Variants in GCM1 observed in about 807,000 individuals in gnomAD.
GCM1 encodes the protein chorion-specific transcription factor GCMa.
GCM1 carries 2 observed loss-of-function variants against 25.7 expected under a neutral mutation model. The observed-to-expected ratio is 0.08, with a 90% CI of 0.03 to 0.24. The LOEUF (loss-of-function observed/expected upper bound fraction) is 0.24, where lower values mean the gene tolerates loss of function less well. GCM1 is among the 10% of genes least tolerant of loss of function. GCM1 has a pLI of 1.00. For missense variants in GCM1, 395 were observed against 538.7 expected, an observed-to-expected ratio of 0.73 and a Z score of 2.64; for synonymous variants, 183 against 195.7, an observed-to-expected ratio of 0.94 and a Z score of 0.54.
intron 2 of GCM1, among the ~76,000 whole-genome samples, chr6:53,135,872 CAAATTT>C (rs1763791142): frequency 6.6e-6 from 1 of 152,158 alleles, no homozygotes; most frequent in Non-Finnish European, 1.5e-5. Flanking sequence ...AGTTAGAATT[CAAATTT>C]AGAACGTGCC....
chr6:53,141,449 A>T (rs1161525972), intron 2 of GCM1, among the ~76,000 whole-genome samples: 1 of 152,160 alleles, frequency 6.6e-6, no homozygotes, highest in Admixed American at 6.5e-5. Context: ...GCACTTTGGG[A>T]GGCCAAGGTG....
At chr6:53,129,472 C>T (rs1349579524) in intron 5 of GCM1, among the ~76,000 whole-genome samples, 1 of 152,100 alleles carries the variant, frequency 6.6e-6, no homozygotes, top group Non-Finnish European at 1.5e-5. Context: ...TGGGGTTTTG[C>T]CATGTTGGCC....
At chr6:53,132,179 T>A in intron 3 of GCM1, 60 bp from the exon 4 acceptor site, 2 of 1,050,376 alleles carry the variant, frequency 1.9e-6, no homozygotes, top group Non-Finnish European at 3.0e-6. Context: ...TGTTGACTCC[T>A]GTGCAGTCTT....
Position 53,134,149 on chromosome 6 carries a change from C to T in GCM1, c.251G>A (p.Arg84His), listed in dbSNP as rs747467471. The T allele has an allele frequency of 1.1e-5, 18 of 1,614,010 alleles. No homozygotes were observed. Among genetic ancestry groups the T allele is most frequent in the East Asian group, 4.5e-5 (2 of 44,890 alleles). Reference protein sequence around the residue: ...KSCLGVVVCGRDCLAEEGRKI... With the variant: ...KSCLGVVVCGHDCLAEEGRKI... Reference sequence around the variant, plus strand: ...GCGCCCCTCCTCTGCGAGACAGTCGCGGCCGCACACCACCACACCCAGGCA... The same window carrying T: ...GCGCCCCTCCTCTGCGAGACAGTCGTGGCCGCACACCACCACACCCAGGCA... Residue 84 changes from arginine to histidine, a missense_variant, in exon 3 of 6, where the codon CGC becomes CAC. By Grantham distance (29) the Arg-to-His change is conservative. Coordinates refer to ENST00000259803, the MANE Select transcript of GCM1 (RefSeq NM_003643.4).
At chr6:53,148,016 A>C (rs890121970) in intron 1 of GCM1, among the ~76,000 whole-genome samples, 2 of 152,178 alleles carry the variant, frequency 1.3e-5, no homozygotes, top group African/African-American at 4.8e-5. Context: ...GCTACAACCT[A>C]GTGGTTGCAG....
intron 2 of GCM1, among the ~76,000 whole-genome samples, chr6:53,141,888 C>T (rs925964209): frequency 1.4e-4 from 21 of 149,592 alleles, no homozygotes; most frequent in African/African-American, 5.2e-4. Flanking sequence ...CCTGTAGTCC[C>T]CACTATTCTA....
chr6:53,128,028 C>CCAAAAA lies in GCM1; in HGVS notation c.*177_*178insTTTTTG. 2 of 63,464 alleles carry CCAAAAA rather than the reference C, an allele frequency of 3.2e-5. No homozygotes were observed. The allele number at this position is 63,464 out of a possible 1,614,324, so 3.9% of individuals were successfully genotyped here. The stretch of plus-strand genomic sequence containing the variant: ...TGGGCAAAAGAGCAAGACTCTGTCT[C>CCAAAAA]AAAAAAAAAAAAAAAAAAAAAAAAA... On this transcript the variant is annotated 3_prime_UTR_variant, in exon 6 of 6. Coordinates refer to ENST00000259803, the MANE Select transcript of GCM1 (RefSeq NM_003643.4).
chr6:53,142,870 C>CAA (rs60718730), intron 2 of GCM1, among the ~76,000 whole-genome samples: 1,354 of 37,422 alleles, frequency 0.036, 146 homozygotes, highest in Admixed American at 0.07. Flanking sequence ...CAAGGATCTC[C>CAA]AAAAAAAAAA....
intron 5 of GCM1, among the ~76,000 whole-genome samples, chr6:53,129,264 T>C (rs1468518168): frequency 7.8e-6 from 1 of 128,838 alleles, no homozygotes; most frequent in Admixed American, 9.9e-5. Flanking sequence ...AATTGCTTTT[T>C]ATTTATTCTT....
chr6:53,136,207 A>G (rs952031479), intron 2 of GCM1, among the ~76,000 whole-genome samples: 2 of 152,258 alleles, frequency 1.3e-5, no homozygotes, highest in Non-Finnish European at 2.9e-5. Context: ...ATAAAGTTTT[A>G]TAGGAACACA....
intron 2 of GCM1, among the ~76,000 whole-genome samples, chr6:53,139,577 C>T (rs546993711): frequency 5.3e-5 from 8 of 151,578 alleles, no homozygotes; most frequent in African/African-American, 1.9e-4. Flanking sequence ...GAGATCAAGA[C>T]TCAGGACAGG....
chr6:53,137,304 C>A (rs145071576), intron 2 of GCM1, among the ~76,000 whole-genome samples: 4 of 152,264 alleles, frequency 2.6e-5, no homozygotes, highest in Admixed American at 1.3e-4. Flanking sequence ...ACTCAATGCC[C>A]GGGGTGAGAG....
Position 53,127,356 on chromosome 6 carries a change from C to A in GCM1, c.*850G>T, listed in dbSNP as rs1362652622. On this transcript the variant is annotated 3_prime_UTR_variant, in exon 6 of 6. Coordinates refer to ENST00000259803, the MANE Select transcript of GCM1 (RefSeq NM_003643.4). ...CCTTGTCATCACAAGTCTCAGAAATCATCTAGAAAACATATATTTTACACA... is the reference window on the plus strand; with the variant it reads ...CCTTGTCATCACAAGTCTCAGAAATAATCTAGAAAACATATATTTTACACA... The A allele has an allele frequency of 6.6e-6, 1 of 152,178 alleles. No individual in the cohort carries two copies. 9.4% of individuals were successfully genotyped at this position (152,178 alleles called of 1,614,324 possible).
intron 5 of GCM1, among the ~76,000 whole-genome samples, chr6:53,130,301 A>C (rs1763705383): frequency 6.6e-6 from 1 of 152,116 alleles, no homozygotes. Flanking sequence ...TTCACATCAC[A>C]GTTTGTCTAT....
At chr6:53,130,186 A>G (rs1364876104) in intron 5 of GCM1, among the ~76,000 whole-genome samples, 1 of 152,230 alleles carries the variant, frequency 6.6e-6, no homozygotes, top group Non-Finnish European at 1.5e-5. Context: ...TCTCCCAAAA[A>G]GAAATGTGCA....
chr6:53,128,719 G>T lies in GCM1; in HGVS notation c.798C>A (p.Arg266=). ...TGTAGGTTCTGCTACTGGACAATTT[G>T]CGCTTTTCATAGAGCTTCATGGGGT... ...TVDPMKLYEK[R]KLSSSRTYSS... is the part of the protein sequence containing the mutation. The change falls in exon 6 of 6, where the codon CGC becomes CGA. Residue 266 remains arginine (R), a synonymous_variant. Transcript: ENST00000259803. 4.3e-6 allele frequency: 7 copies of T among 1,614,102 alleles called. No homozygotes were observed. Among genetic ancestry groups the T allele is most frequent in the Non-Finnish European group, 5.9e-6 (7 of 1,179,962 alleles).
At chr6:53,130,764 AGCTACT>A in intron 5 of GCM1, 33 bp downstream of exon 5, 1 of 1,574,380 alleles carries the variant, frequency 6.4e-7, no homozygotes, top group Non-Finnish European at 8.7e-7. Flanking sequence ...AGGCGTGGCA[AGCTACT>A]GCATGTATTG....
chr6:53,148,117 C>T (rs910186873), intron 1 of GCM1, among the ~76,000 whole-genome samples: 2 of 152,266 alleles, frequency 1.3e-5, no homozygotes, highest in South Asian at 4.1e-4. Context: ...AGGAAAGAAA[C>T]ATTGTGTTAC....
Position 53,128,867 on chromosome 6 carries a change from C to A in GCM1, c.650G>T (p.Ser217Ile). 6.2e-7 allele frequency: 1 copy of A among 1,611,144 alleles called. No individual in the cohort carries two copies. Among genetic ancestry groups the A allele is most frequent in the Non-Finnish European group, 8.5e-7 (1 of 1,177,298 alleles). ...GTTAGCTATTAAATGTCCACTGTAA[C>A]TACCAGGCAATTGGACGCCTTCCTG... ...SFQEGVQLPG[S>I]YSGHLIANTP... is the part of the protein sequence containing the mutation. The change falls in exon 6 of 6, where the codon AGT becomes ATT. Residue 217 changes from serine to isoleucine, a missense_variant. Coordinates refer to ENST00000259803, the MANE Select transcript of GCM1 (RefSeq NM_003643.4).
Sources: allele counts gnomAD v4.1 joint callset (sites outside exome capture counted in the v4.1 genomes callset), GRCh38; gene constraint gnomAD v4.1.1; transcripts MANE v1.5; gene names NCBI Gene and HGNC (gene_info 2026-07-23, HGNC 2026-07-21).